The following SLC4A4 variants were observed in gnomAD, a reference collection of about 807,000 sequenced individuals.
SLC4A4 encodes the protein electrogenic sodium bicarbonate cotransporter 1.
A neutral mutation model predicts 111.5 loss-of-function variants in SLC4A4; 27 were observed. The observed-to-expected ratio is 0.24, with a 90% confidence interval of 0.18 to 0.33. The LOEUF is 0.33. Ranked by LOEUF, SLC4A4 falls within the 10% of genes least tolerant of loss-of-function variation. The probability of loss-of-function intolerance (pLI) is 1.00; values close to 1 mark genes in which losing one functional copy is unlikely to be tolerated. For synonymous variants in SLC4A4, 443 were observed against 463.4 expected (o/e 0.96, Z 0.57); for missense variants, 909 against 1,315.5 (o/e 0.69, Z 4.78).
chr4:71,102,882 C>T (rs1324790817), intron 2 of SLC4A4, among the ~76,000 whole-genome samples: 1 of 151,542 alleles, frequency 6.6e-6, no homozygotes, highest in Non-Finnish European at 1.5e-5. Context: ...AAATAACCAG[C>T]TAACATCATA....
At chr4:71,248,759 C>T (rs1720857877) in intron 2 of SLC4A4, among the ~76,000 whole-genome samples, 2 of 152,112 alleles carry the variant, frequency 1.3e-5, no homozygotes, top group South Asian at 4.1e-4. Context: ...CAGTTTTTGC[C>T]TTTACTATCA....
At chr4:71,089,607 CTTCT>C (rs1023142254) in intron 1 of SLC4A4, among the ~76,000 whole-genome samples, 1 of 151,988 alleles carries the variant, frequency 6.6e-6, no homozygotes, top group Non-Finnish European at 1.5e-5. Context: ...GTTAGTTTTC[CTTCT>C]AACAGTCAGG....
intron 2 of SLC4A4, among the ~76,000 whole-genome samples, chr4:71,153,836 A>G (rs1744387068): frequency 6.6e-6 from 1 of 152,112 alleles, no homozygotes; most frequent in South Asian, 2.1e-4. Context: ...CCTCTTATTG[A>G]CCCTCTACTC....
intron 6 of SLC4A4, among the ~76,000 whole-genome samples, chr4:71,374,051 C>G (rs372540036): frequency 3.9e-5 from 6 of 152,310 alleles, no homozygotes; most frequent in South Asian, 2.1e-4. Context: ...GGTTACCCAT[C>G]ATGGGCCAAG....
intron 7 of SLC4A4, among the ~76,000 whole-genome samples, chr4:71,400,460 A>T (rs897950338): frequency 6.6e-6 from 1 of 152,220 alleles, no homozygotes; most frequent in African/African-American, 2.4e-5. Flanking sequence ...AGGAAAATTT[A>T]ATTCAGGAAT....
chr4:71,331,091 G>A (rs1727945289), intron 3 of SLC4A4, among the ~76,000 whole-genome samples: 4 of 152,116 alleles, frequency 2.6e-5, no homozygotes, highest in Non-Finnish European at 5.9e-5. Context: ...ACAGGTGCTG[G>A]AGAGGATGTG....
intron 2 of SLC4A4, among the ~76,000 whole-genome samples, chr4:71,156,597 C>CACACACACAT (rs1553957364): frequency 6.7e-5 from 10 of 150,368 alleles, no homozygotes; most frequent in African/African-American, 2.5e-4. Flanking sequence ...CGCACACACA[C>CACACACACAT]ACACACACAC....
At position 71,407,945 on chromosome 4, in the gene SLC4A4, A is replaced by G. The variant is rs1009437597; in HGVS notation, c.807+10292A>G. Among the ~76,000 whole-genome samples, 23 of 152,104 alleles carry G rather than the reference A, an allele frequency of 1.5e-4. 1 individual carries two copies. Among genetic ancestry groups the G allele is most frequent in the African/African-American group, 5.3e-4 (22 of 41,434 alleles). On this transcript the variant is annotated intron_variant, in intron 7 of 25. Transcript: ENST00000264485. ...ATGGTTCTTTGACTTTCAGGCTGTT[A>G]AATATTCATTCTCACTATAGATAGG...
intron 1 of SLC4A4, among the ~76,000 whole-genome samples, chr4:71,194,135 G>T (rs189831740): frequency 9.2e-5 from 14 of 152,178 alleles, no homozygotes; most frequent in African/African-American, 3.4e-4. Flanking sequence ...TGAACATCTA[G>T]CTCTCTTACT....
At chr4:71,283,131 A>C (rs187161320) in intron 3 of SLC4A4, among the ~76,000 whole-genome samples, 6 of 152,352 alleles carry the variant, frequency 3.9e-5, no homozygotes, top group Admixed American at 3.9e-4. Context: ...AACTGTGATC[A>C]GTGTAGCAAC....
At chr4:71,106,879 T>G (rs987810853) in intron 2 of SLC4A4, among the ~76,000 whole-genome samples, 1 of 149,662 alleles carries the variant, frequency 6.7e-6, no homozygotes, top group East Asian at 2.0e-4. Context: ...CATATGTAAC[T>G]AACCTGCACA....
At chr4:71,448,186 G>T (rs1725409854) in intron 9 of SLC4A4, among the ~76,000 whole-genome samples, 1 of 151,888 alleles carries the variant, frequency 6.6e-6, no homozygotes, top group Admixed American at 6.6e-5. Context: ...CAGGCATGGT[G>T]GTGCATGCCT....
chr4:71,423,075 A>G lies in SLC4A4; in HGVS notation c.808-17541A>G, dbSNP rs1577859717. 3.3e-5 allele frequency among the ~76,000 whole-genome samples: 5 copies of G among 152,308 alleles called. No individual in the cohort carries two copies. The East Asian group carries it at 9.7e-4, about 29-fold the overall frequency. On this transcript the variant is annotated intron_variant, in intron 7 of 25. Coordinates refer to ENST00000264485, the MANE Select transcript of SLC4A4 (RefSeq NM_001098484.3). ...CCCTGTTTGCAGACGACATGGTTGT[A>G]TATCTAGAAAACCCCATTGTCTCAG...
At chr4:71,491,099 A>G (rs1482449757) in intron 15 of SLC4A4, among the ~76,000 whole-genome samples, 1 of 151,840 alleles carries the variant, frequency 6.6e-6, no homozygotes, top group Admixed American at 6.6e-5. Flanking sequence ...ACAATTTTCT[A>G]TAATCCCAAT....
chr4:71,301,804 T>G (rs901946831), intron 3 of SLC4A4, among the ~76,000 whole-genome samples: 7 of 152,156 alleles, frequency 4.6e-5, no homozygotes. Flanking sequence ...TAGCGAGCCA[T>G]CCCAGCCACC....
chr4:71,177,883 T>A (rs183856207), intron 2 of SLC4A4, among the ~76,000 whole-genome samples: 102 of 152,282 alleles, frequency 6.7e-4, no homozygotes, highest in African/African-American at 2.4e-3. Context: ...TACATTCTTC[T>A]CAGCACCACA....
intron 16 of SLC4A4, among the ~76,000 whole-genome samples, chr4:71,523,442 G>A (rs768095256): frequency 3.3e-5 from 5 of 152,104 alleles, no homozygotes; most frequent in African/African-American, 1.2e-4. Flanking sequence ...AAATACTTCA[G>A]TTCTTACAGA....
chr4:71,480,382 A>G lies in SLC4A4; in HGVS notation c.1904-6566A>G, dbSNP rs147180468. On this transcript the variant is annotated intron_variant, in intron 14 of 25. Transcript: ENST00000264485. Reference sequence around the variant, plus strand: ...ACTAAAAGGATAATAAGAAAAAAAAAAAAGAAAAACTTACTACTGATTTTG... The same window carrying G: ...ACTAAAAGGATAATAAGAAAAAAAAGAAAGAAAAACTTACTACTGATTTTG... 1.0e-3 allele frequency among the ~76,000 whole-genome samples: 155 copies of G among 151,752 alleles called. 3 individuals are homozygous for G. The East Asian group carries it at 0.012, about 12-fold the overall frequency.
At chr4:71,510,985 A>G (rs1731862795) in intron 16 of SLC4A4, among the ~76,000 whole-genome samples, 1 of 152,284 alleles carries the variant, frequency 6.6e-6, no homozygotes, top group African/African-American at 2.4e-5. Context: ...TGCATAAAAC[A>G]ATTTTGTACT....
Sources: allele counts gnomAD v4.1 joint callset (sites outside exome capture counted in the v4.1 genomes callset), GRCh38; gene constraint gnomAD v4.1.1; transcripts MANE v1.5; gene names NCBI Gene and HGNC (gene_info 2026-07-23, HGNC 2026-07-21).